The following SYNE3 variants were observed in gnomAD, a reference collection of about 807,000 sequenced individuals.
SYNE3 encodes the protein spectrin repeat containing nuclear envelope family member 3, also known as nesprin-3.
In SYNE3, 100 loss-of-function variants were observed where a neutral mutation model predicts 111.2. The ratio of observed to expected loss-of-function variants is 0.90; its 90% confidence interval spans 0.77 to 1.06. The LOEUF is 1.06. Ranked by LOEUF, SYNE3 falls within the 50% of genes least tolerant of loss-of-function variation. The pLI is 0.00. For synonymous variants in SYNE3, 547 were observed against 533.9 expected, an observed-to-expected ratio of 1.02 and a Z score of -0.34; for missense variants, 1,160 against 1,240.3, an observed-to-expected ratio of 0.94 and a Z score of 0.97.
rs1886290472 is a variant in SYNE3 at position 95,439,601 on chromosome 14, G to A, written c.2246+11C>T. The A allele has an allele frequency of 1.9e-6, 3 of 1,606,138 alleles. No individual in the cohort carries two copies. Among genetic ancestry groups the A allele is most frequent in the Non-Finnish European group, 2.5e-6 (3 of 1,179,960 alleles). On this transcript the variant is annotated intron_variant, in intron 13 of 17. Transcript: ENST00000682763. ...CCCAGACAACGCTCAGAGCCTAGGA[G>A]GCACTCTCACCTCAGCAGACTTTCT...
At chr14:95,434,346 C>T (rs1885966315) in intron 15 of SYNE3, among the ~76,000 whole-genome samples, 1 of 152,226 alleles carries the variant, frequency 6.6e-6, no homozygotes, top group Non-Finnish European at 1.5e-5. Flanking sequence ...GAAGGAATAG[C>T]TGTAAAACAT....
At chr14:95,437,225 A>G (rs1462540561) in intron 14 of SYNE3, among the ~76,000 whole-genome samples, 1 of 152,202 alleles carries the variant, frequency 6.6e-6, no homozygotes, top group Non-Finnish European at 1.5e-5. Context: ...ACCATCTCTT[A>G]CCAGGATGGC....
chr14:95,466,793 C>A (rs1041424671), intron 3 of SYNE3, among the ~76,000 whole-genome samples: 1 of 152,250 alleles, frequency 6.6e-6, no homozygotes, highest in African/African-American at 2.4e-5. Flanking sequence ...CCCAGCCTGT[C>A]TCCCTGGGGG....
chr14:95,466,667 C>T (rs1457281951), intron 3 of SYNE3, among the ~76,000 whole-genome samples: 7 of 152,218 alleles, frequency 4.6e-5, no homozygotes, highest in Non-Finnish European at 8.8e-5. Flanking sequence ...CGCTGGCACA[C>T]GCACACCCAC....
chr14:95,446,203 C>A, intron 8 of SYNE3, 112 bp from the exon 9 acceptor site: 2 of 1,304,546 alleles, frequency 1.5e-6, no homozygotes, highest in Non-Finnish European at 2.1e-6. Flanking sequence ...CACCTTTGTG[C>A]AGGTGTCTGA....
chr14:95,482,893 G>A (rs1043764269), intron 1 of SYNE3, among the ~76,000 whole-genome samples: 3 of 152,118 alleles, frequency 2.0e-5, no homozygotes, highest in Admixed American at 6.5e-5. Flanking sequence ...CAAAGTCACC[G>A]GGATGCTAAG....
intron 14 of SYNE3, chr14:95,438,007 G>A (rs1010924797): frequency 2.6e-5 from 4 of 152,210 alleles, no homozygotes; most frequent in Non-Finnish European, 4.4e-5. Context: ...TAGAAATGCA[G>A]AATCGAATTG....
chr14:95,434,351 A>G (rs1248932394), intron 15 of SYNE3, among the ~76,000 whole-genome samples: 5 of 152,188 alleles, frequency 3.3e-5, no homozygotes, highest in African/African-American at 1.2e-4. Context: ...AATAGCTGTA[A>G]AACATCTTTG....
chr14:95,466,929 G>A (rs1025634824), intron 3 of SYNE3, among the ~76,000 whole-genome samples: 10 of 152,210 alleles, frequency 6.6e-5, no homozygotes, highest in Admixed American at 3.3e-4. Flanking sequence ...TGTGACATCT[G>A]CATCTGTGGG....
Position 95,509,136 on chromosome 14 carries a change from G to C in SYNE3, c.-15+7460C>G, listed in dbSNP as rs545118007. 3.2e-4 allele frequency among the ~76,000 whole-genome samples: 48 copies of C among 152,338 alleles called. 1 individual carries two copies. The highest frequency in any genetic ancestry group is 8.4e-4 in the African/African-American group (35 of 41,582). On this transcript the variant is annotated intron_variant, in intron 1 of 17. Coordinates refer to ENST00000682763, the MANE Select transcript of SYNE3 (RefSeq NM_152592.6). The stretch of plus-strand genomic sequence containing the variant: ...ACTGTTGATTAGTATCAATGGCAAA[G>C]TGCAACGGGAACAGGGAAACAGAGA...
At chr14:95,457,838 C>A (rs1399354031) in intron 4 of SYNE3, among the ~76,000 whole-genome samples, 1 of 152,076 alleles carries the variant, frequency 6.6e-6, no homozygotes. Context: ...AAGTGACTTG[C>A]CCAAGGTCAC....
At chr14:95,461,087 C>T (rs550673032) in intron 4 of SYNE3, among the ~76,000 whole-genome samples, 36 of 152,318 alleles carry the variant, frequency 2.4e-4, no homozygotes, top group Admixed American at 9.1e-4. Flanking sequence ...GGGTGACAAA[C>T]GGGAAGGTGC....
In SYNE3 at chr14:95,417,871, G is replaced by A; in HGVS notation, c.2883C>T (p.Arg961=). The A allele has an allele frequency of 6.2e-7, 1 of 1,614,242 alleles. No individual in the cohort carries two copies. The highest frequency in any genetic ancestry group is 8.5e-7 in the Non-Finnish European group (1 of 1,180,048). ...TGTAGCGCAGCATGAGCGTGAAGGA[G>A]CGGGCGAAGTTGTTGGCCAGGGTGC... ...RSCTLANNFA[R]SFTLMLRYNG... is the part of the protein sequence containing the mutation. Residue 961 remains arginine (R), a synonymous_variant, in exon 18 of 18, where the codon CGC becomes CGT. Transcript: ENST00000682763.
intron 4 of SYNE3, among the ~76,000 whole-genome samples, chr14:95,461,125 A>G (rs17092393): frequency 0.015 from 2,230 of 152,322 alleles, 59 homozygotes; most frequent in African/African-American, 0.05. Flanking sequence ...CCCAGCAATT[A>G]CACCATCTGC....
chr14:95,431,590 G>A (rs765449721), intron 17 of SYNE3, among the ~76,000 whole-genome samples: 11 of 152,192 alleles, frequency 7.2e-5, no homozygotes, highest in African/African-American at 2.7e-4. Context: ...GGCTCAGTAG[G>A]GTAAGTGGAA....
chr14:95,509,415 T>C (rs1275337347), intron 1 of SYNE3, among the ~76,000 whole-genome samples: 2 of 152,170 alleles, frequency 1.3e-5, no homozygotes, highest in Non-Finnish European at 2.9e-5. Context: ...GGGAGTCACC[T>C]ACCAGTGATC....
At chr14:95,495,582 C>T (rs961724453) in intron 1 of SYNE3, among the ~76,000 whole-genome samples, 3 of 152,234 alleles carry the variant, frequency 2.0e-5, no homozygotes, top group African/African-American at 7.2e-5. Context: ...CAGGGGTCAT[C>T]GTGCTGCCTG....
intron 1 of SYNE3, among the ~76,000 whole-genome samples, chr14:95,494,010 C>T (rs754697260): frequency 7.2e-5 from 11 of 151,934 alleles, no homozygotes; most frequent in Non-Finnish European, 1.2e-4. Flanking sequence ...AGCTGGGAGG[C>T]GAGAATTCAA....
chr14:95,432,150 GA>G (rs539438627), intron 16 of SYNE3, 33 bp from the exon 17 acceptor site: 153 of 1,589,144 alleles, frequency 9.6e-5, no homozygotes, highest in African/African-American at 6.3e-4. Context: ...GAAAAGGGGG[GA>G]AAAAAATAAG....
Sources: allele counts gnomAD v4.1 joint callset (sites outside exome capture counted in the v4.1 genomes callset), GRCh38; gene constraint gnomAD v4.1.1; transcripts MANE v1.5; gene names NCBI Gene and HGNC (gene_info 2026-07-23, HGNC 2026-07-21).